PCP4: variants seen among roughly 807,000 people sequenced by gnomAD.
PCP4 encodes Purkinje cell protein 4, also known as calmodulin regulator protein PCP4.
A neutral mutation model predicts 10.0 loss-of-function variants in PCP4; 8 were observed. The observed-to-expected ratio is 0.80, with a 90% CI of 0.47 to 1.45. PCP4 has a LOEUF of 1.45. Among genes scored for constraint, PCP4 ranks in the 40% most tolerant of loss-of-function variants. PCP4 has a pLI of 0.00. For missense variants in PCP4, 54 were observed against 74.4 expected (o/e 0.73, Z 1.01); for synonymous variants, 21 against 23.0 (o/e 0.91, Z 0.24).
chr21:39,903,712 C>T (rs2087491922), intron 2 of PCP4, among the ~76,000 whole-genome samples: 1 of 151,038 alleles, frequency 6.6e-6, no homozygotes, highest in Non-Finnish European at 1.5e-5. Context: ...ACTAAAAATA[C>T]AAAAAATTAT....
At position 39,903,872 on chromosome 21, in the gene PCP4, AAAAC is replaced by A. The variant is rs1245983292; in HGVS notation, c.61+5349_61+5352del. Among the ~76,000 whole-genome samples the A allele has an allele frequency of 3.8e-3, 516 of 135,176 alleles. 19 individuals are homozygous for A. The highest frequency in any genetic ancestry group is 0.013 in the African/African-American group (452 of 35,240). 88.7% of individuals were successfully genotyped at this position (135,176 alleles called of 152,430 possible). On this transcript the variant is annotated intron_variant, in intron 2 of 2. Coordinates refer to ENST00000328619, the MANE Select transcript of PCP4 (RefSeq NM_006198.3). ...TAAAGAGTGGGACTCCGTCTCAAAA[AAAAC>A]AAAAAAAAAAAAAAAAAAAAGACTT... is the stretch of plus-strand genomic sequence containing the variant.
intron 2 of PCP4, among the ~76,000 whole-genome samples, chr21:39,920,365 TATG>T (rs1406734894): frequency 2.0e-5 from 3 of 149,004 alleles, no homozygotes; most frequent in African/African-American, 7.4e-5. Context: ...GCATATGTGG[TATG>T]ATGTGTGTTT....
At chr21:39,915,335 C>A (rs1407044106) in intron 2 of PCP4, among the ~76,000 whole-genome samples, 1 of 152,060 alleles carries the variant, frequency 6.6e-6, no homozygotes, top group Admixed American at 6.5e-5. Context: ...ATAAAATGTG[C>A]AGTTCAGGGA....
chr21:39,922,983 G>GA (rs1338731047), intron 2 of PCP4, among the ~76,000 whole-genome samples: 1 of 152,182 alleles, frequency 6.6e-6, no homozygotes, highest in Non-Finnish European at 1.5e-5. Context: ...AGTGGAGTGG[G>GA]AATTGCTGTT....
At chr21:39,870,505 AC>A (rs1370282763) in intron 1 of PCP4, among the ~76,000 whole-genome samples, 1 of 152,176 alleles carries the variant, frequency 6.6e-6, no homozygotes, top group African/African-American at 2.4e-5. Context: ...CATCGTACTC[AC>A]CCAGGCACAA....
chr21:39,908,604 C>T (rs889774750), intron 2 of PCP4, among the ~76,000 whole-genome samples: 1 of 152,130 alleles, frequency 6.6e-6, no homozygotes, highest in African/African-American at 2.4e-5. Context: ...CTCAAGGGCT[C>T]AGTGGCGCCC....
At chr21:39,885,570 T>C (rs186036171) in intron 1 of PCP4, among the ~76,000 whole-genome samples, 2 of 152,220 alleles carry the variant, frequency 1.3e-5, no homozygotes, top group African/African-American at 4.8e-5. Context: ...TACCTCCATG[T>C]GGTTTGGGGT....
intron 2 of PCP4, among the ~76,000 whole-genome samples, chr21:39,915,512 G>C (rs2087564834): frequency 6.6e-6 from 1 of 152,232 alleles, no homozygotes; most frequent in Admixed American, 6.5e-5. Context: ...TTAAACAATA[G>C]AGAAGGTTAT....
rs375155652 is a variant in PCP4, at chr21:39,929,299, G to A, written c.*188G>A. 149 of 429,360 alleles carry A rather than the reference G, an allele frequency of 3.5e-4. 1 individual carries two copies. The highest frequency in any genetic ancestry group is 2.7e-3 in the African/African-American group (135 of 49,292). 26.6% of individuals were successfully genotyped at this position (429,360 alleles called of 1,614,324 possible). On this transcript the variant is annotated 3_prime_UTR_variant, in exon 3 of 3. Transcript: ENST00000328619. ...GTAGGAAGGTATAGACAATGGAATT[G>A]TGAGTAGCTTAATCTCTATGTTTCT...
At chr21:39,891,193 C>A (rs775863907) in intron 1 of PCP4, among the ~76,000 whole-genome samples, 1 of 152,182 alleles carries the variant, frequency 6.6e-6, no homozygotes, top group Non-Finnish European at 1.5e-5. Context: ...AAAATAGTCA[C>A]CCAGCCTTGT....
intron 1 of PCP4, among the ~76,000 whole-genome samples, chr21:39,897,684 T>C (rs1186528347): frequency 1.3e-5 from 2 of 152,108 alleles, no homozygotes; most frequent in Non-Finnish European, 2.9e-5. Flanking sequence ...GTATAAACAA[T>C]GGCAGAAAAA....
chr21:39,908,836 G>T (rs2087525730), intron 2 of PCP4, among the ~76,000 whole-genome samples: 1 of 152,198 alleles, frequency 6.6e-6, no homozygotes, highest in Non-Finnish European at 1.5e-5. Flanking sequence ...CCTGTGGAGA[G>T]GCGCCAAGGA....
intron 1 of PCP4, among the ~76,000 whole-genome samples, chr21:39,881,396 T>C (rs1333207513): frequency 1.3e-5 from 2 of 152,170 alleles, no homozygotes; most frequent in African/African-American, 4.8e-5. Context: ...ACAGTGGCAT[T>C]AGCCTCCATA....
At chr21:39,921,531 C>G (rs1040228996) in intron 2 of PCP4, among the ~76,000 whole-genome samples, 2 of 152,150 alleles carry the variant, frequency 1.3e-5, no homozygotes, top group African/African-American at 4.8e-5. Flanking sequence ...AACTTTAAAA[C>G]CTATGAAGCC....
At chr21:39,871,523 A>G (rs2087319929) in intron 1 of PCP4, among the ~76,000 whole-genome samples, 1 of 152,236 alleles carries the variant, frequency 6.6e-6, no homozygotes. Context: ...TTATAACCCC[A>G]TTTGAGGGTG....
intron 1 of PCP4, among the ~76,000 whole-genome samples, chr21:39,888,051 C>A (rs907518890): frequency 2.6e-5 from 4 of 152,186 alleles, no homozygotes; most frequent in Non-Finnish European, 5.9e-5. Context: ...CGAGATGCTG[C>A]CATTCCAGGG....
intron 2 of PCP4, among the ~76,000 whole-genome samples, chr21:39,900,738 G>A (rs1173618633): frequency 5.9e-5 from 9 of 151,964 alleles, no homozygotes; most frequent in Non-Finnish European, 1.0e-4. Context: ...AGATAAGAAT[G>A]AATCTCTATA....
chr21:39,902,245 G>A (rs1394252531), intron 2 of PCP4, among the ~76,000 whole-genome samples: 2 of 152,006 alleles, frequency 1.3e-5, no homozygotes, highest in African/African-American at 4.8e-5. Flanking sequence ...ATAATAAAAG[G>A]AACATTCTCA....
At chr21:39,928,933 T>C in intron 2 of PCP4, 51 bp from the exon 3 acceptor site, 1 of 1,587,452 alleles carries the variant, frequency 6.3e-7, no homozygotes, top group Non-Finnish European at 8.6e-7. Context: ...CTGTCTGCTT[T>C]CCTATTTTCA....
Sources: allele counts gnomAD v4.1 joint callset (sites outside exome capture counted in the v4.1 genomes callset), GRCh38; gene constraint gnomAD v4.1.1; transcripts MANE v1.5; gene names NCBI Gene and HGNC (gene_info 2026-07-23, HGNC 2026-07-21).